The following DMD variants were observed in gnomAD, a reference collection of about 807,000 sequenced individuals.
DMD encodes the protein mutant dystrophin.
DMD carries 63 observed loss-of-function variants against 330.1 expected under a neutral mutation model. The observed-to-expected ratio is 0.19, with a 90% CI of 0.16 to 0.24. The LOEUF (loss-of-function observed/expected upper bound fraction) is 0.24, where lower values mean the gene tolerates loss of function less well. DMD is among the 10% of genes least tolerant of loss of function. The pLI is 1.00. For synonymous variants in DMD, 1,223 were observed against 959.8 expected, an observed-to-expected ratio of 1.27 and a Z score of -5.07; for missense variants, 3,344 against 2,684.1, an observed-to-expected ratio of 1.25 and a Z score of -5.43.
chrX:32,086,377 C>T (rs1159234518), intron 44 of DMD, among the ~76,000 whole-genome samples: 2 of 111,983 alleles, frequency 1.8e-5, no homozygotes, highest in Non-Finnish European at 3.8e-5. Context: ...TTTGCTACTG[C>T]TATGAACCAC....
chrX:31,959,184 A>C (rs191295190), intron 45 of DMD, among the ~76,000 whole-genome samples: 1 of 110,729 alleles, frequency 9.0e-6, no homozygotes, highest in Non-Finnish European at 1.9e-5. Flanking sequence ...TCTTTTTTTC[A>C]CTCTGAGCTC....
intron 1 of DMD, among the ~76,000 whole-genome samples, chrX:33,144,239 T>C (rs2047926503): frequency 1.8e-5 from 2 of 110,093 alleles, no homozygotes; most frequent in African/African-American, 6.6e-5. Flanking sequence ...CTCATGGAGG[T>C]AGAAAGTGGA....
chrX:31,710,441 T>C lies in DMD; in HGVS notation c.7660+19190A>G, dbSNP rs2084544973. Among the ~76,000 whole-genome samples, 4 of 111,215 alleles carry C rather than the reference T, an allele frequency of 3.6e-5. No individual in the cohort carries two copies. The Admixed American group carries it at 3.8e-4, about 11-fold the overall frequency. ...TGAATTGTCTGTTTCTCTGTTTCTA[T>C]TAATATTTTTAAGGTCATCTAGAAT... On this transcript the variant is annotated intron_variant, in intron 52 of 78. Transcript: ENST00000357033.
chrX:32,180,405 G>T (rs181841984), intron 44 of DMD, among the ~76,000 whole-genome samples: 1 of 111,765 alleles, frequency 8.9e-6, no homozygotes, highest in Non-Finnish European at 1.9e-5. Flanking sequence ...GATACTAAAT[G>T]AGTAGGTGTT....
intron 7 of DMD, among the ~76,000 whole-genome samples, chrX:32,733,733 A>G (rs1263548877): frequency 9.1e-6 from 1 of 109,536 alleles, no homozygotes; most frequent in African/African-American, 3.4e-5. Context: ...AAGACACAAC[A>G]TACCAGAATC....
chrX:33,103,605 C>T (rs976283171), intron 1 of DMD, among the ~76,000 whole-genome samples: 1 of 110,648 alleles, frequency 9.0e-6, no homozygotes, highest in East Asian at 2.8e-4. Context: ...CGGCCCCACC[C>T]CTATCTCCCT....
At chrX:32,217,496 C>T (rs1052238491) in intron 43 of DMD, among the ~76,000 whole-genome samples, 6 of 111,167 alleles carry the variant, frequency 5.4e-5, no homozygotes, top group African/African-American at 2.0e-4. Context: ...TTCATAAATT[C>T]TATCACTTTC....
intron 1 of DMD, among the ~76,000 whole-genome samples, chrX:33,119,400 T>C (rs913689515): frequency 2.0e-4 from 22 of 112,553 alleles, no homozygotes; most frequent in African/African-American, 7.1e-4. Flanking sequence ...AACTGAACCA[T>C]GCTGTTACTC....
At chrX:31,384,305 G>A (rs1286802735) in intron 60 of DMD, among the ~76,000 whole-genome samples, 5 of 88,520 alleles carry the variant, frequency 5.6e-5, no homozygotes, top group Non-Finnish European at 1.1e-4. Context: ...GTAATATCCT[G>A]CTTCACTACT....
intron 53 of DMD, among the ~76,000 whole-genome samples, chrX:31,670,872 GT>G (rs1170248379): frequency 9.2e-6 from 1 of 109,284 alleles, no homozygotes. Context: ...CTTTTAGTAT[GT>G]CTTTTGGGAG....
At chrX:32,576,687 G>A (rs959402977) in intron 13 of DMD, among the ~76,000 whole-genome samples, 2 of 93,671 alleles carry the variant, frequency 2.1e-5, no homozygotes, top group Non-Finnish European at 4.2e-5. Context: ...GTGGTTGACT[G>A]CCAGTAATTG....
intron 29 of DMD, 64 bp downstream of exon 29, chrX:32,438,177 A>T (rs2098268623): frequency 9.0e-7 from 1 of 1,105,738 alleles, no homozygotes. Flanking sequence ...TTTATCTGAG[A>T]GGCCTGTATC....
chrX:33,240,454 T>G (rs1479611071), intron 1 of DMD, among the ~76,000 whole-genome samples: 2 of 111,965 alleles, frequency 1.8e-5, no homozygotes, highest in Non-Finnish European at 3.8e-5. Flanking sequence ...TTTCTTTTAT[T>G]CATTCACCAG....
At position 32,517,195 on chromosome X, in the gene DMD, C is replaced by A. The variant is rs900770265; in HGVS notation, c.2292+813G>T. 6.3e-5 allele frequency: 7 copies of A among 111,626 alleles called. No homozygotes were observed. In the Admixed American group the frequency reaches 6.7e-4, roughly 11 times the overall value. The allele number at this position is 111,626 out of a possible 1,213,427, so 9.2% of individuals were successfully genotyped here. ...TATACACATTTAGATGTGATCTTCC[C>A]ATGGATAAAATTACTTTTCATTCAT... On this transcript the variant is annotated intron_variant, in intron 18 of 78. Coordinates refer to ENST00000357033, the MANE Select transcript of DMD (RefSeq NM_004006.3).
chrX:32,814,897 A>C (rs1417191502), intron 6 of DMD, among the ~76,000 whole-genome samples: 2 of 111,753 alleles, frequency 1.8e-5, no homozygotes, highest in Non-Finnish European at 3.8e-5. Context: ...ATTCATCTGC[A>C]AATGTGTACA....
chrX:31,267,050 C>G (rs1452606703), intron 62 of DMD: 1 of 398,043 alleles, frequency 2.5e-6, no homozygotes, highest in Non-Finnish European at 4.1e-6. Flanking sequence ...CCTGGGAACC[C>G]GGACACCCAG....
chrX:31,897,587 G>GTT (rs2094359591), intron 47 of DMD, among the ~76,000 whole-genome samples: 1 of 89,711 alleles, frequency 1.1e-5, no homozygotes, highest in African/African-American at 4.1e-5. Flanking sequence ...AGCACCTGTT[G>GTT]TTTCCTGACT....
chrX:32,343,638 C>A (rs1379691943), intron 39 of DMD, among the ~76,000 whole-genome samples: 7 of 111,256 alleles, frequency 6.3e-5, no homozygotes, highest in African/African-American at 2.3e-4. Flanking sequence ...TAGATACAAA[C>A]TCACAAACCT....
At chrX:31,617,834 C>T (rs2078297478) in intron 55 of DMD, among the ~76,000 whole-genome samples, 1 of 111,609 alleles carries the variant, frequency 9.0e-6, no homozygotes, top group Non-Finnish European at 1.9e-5. Context: ...AAATGCCCAT[C>T]AATGGTAGAT....
Sources: gnomAD v4.1 joint callset for allele counts (sites outside exome capture counted in the v4.1 genomes callset) on GRCh38, gnomAD v4.1.1 for gene constraint, MANE v1.5 for transcripts, NCBI Gene and HGNC (gene_info 2026-07-23, HGNC 2026-07-21) for gene names.